Variants in RNASEH1 observed in about 807,000 individuals in gnomAD.
RNASEH1 encodes the protein ribonuclease H type II.
RNASEH1 carries 27 observed loss-of-function variants against 34.6 expected under a neutral mutation model. The observed-to-expected ratio is 0.78, with a 90% CI of 0.58 to 1.08. The LOEUF (loss-of-function observed/expected upper bound fraction) is 1.08. RNASEH1 is among the 50% of genes least tolerant of loss of function. RNASEH1 has a pLI of 0.00. For missense variants in RNASEH1, 349 were observed against 373.6 expected (o/e 0.93, Z 0.54); for synonymous variants, 162 against 138.4 (o/e 1.17, Z -1.20).
downstream of RNASEH1, chr2:3,536,811 G>A (rs1237336470): frequency 3.3e-5 from 5 of 152,342 alleles, no homozygotes; most frequent in African/African-American, 7.2e-5. Context: ...CAGTTCTGGA[G>A]GCTGCAAGTC....
At chr2:3,556,946 A>C in intron 1 of RNASEH1, 42 bp from the exon 2 acceptor site, 1 of 1,385,122 alleles carries the variant, frequency 7.2e-7, no homozygotes, top group East Asian at 2.3e-5. Flanking sequence ...TCCTTCTCTA[A>C]CTTATCCCCT....
chr2:3,545,707 G>T lies in RNASEH1; in HGVS notation c.*78C>A. The T allele has an allele frequency of 1.1e-6, 1 of 940,932 alleles. No individual in the cohort carries two copies. The highest frequency in any genetic ancestry group is 1.8e-6 in the Non-Finnish European group (1 of 566,826). 58.3% of individuals were successfully genotyped at this position (940,932 alleles called of 1,614,324 possible). ...ATCACTGCAATGGTCCTACCTGCAG[G>T]CTATTTTCCACACCAGTAAGTACAG... is the stretch of plus-strand genomic sequence containing the variant. On this transcript the variant is annotated 3_prime_UTR_variant, in exon 8 of 8. Coordinates refer to ENST00000315212, the MANE Select transcript of RNASEH1 (RefSeq NM_002936.6).
chr2:3,534,653 G>A, the RNASEH1 span, among the ~76,000 whole-genome samples: 3 of 152,250 alleles, frequency 2.0e-5, no homozygotes, highest in Non-Finnish European at 4.4e-5. Flanking sequence ...TCTGGGCCGG[G>A]GTGCAAGCCG....
At chr2:3,549,859 T>C (rs1434474435) in intron 4 of RNASEH1, among the ~76,000 whole-genome samples, 1 of 149,538 alleles carries the variant, frequency 6.7e-6, no homozygotes, top group Non-Finnish European at 1.5e-5. Context: ...GGAAGGAGAA[T>C]GGCGTGAACC....
chr2:3,552,189 C>A lies in RNASEH1; in HGVS notation c.364G>T (p.Val122Leu). The change falls in exon 3 of 8, where the codon GTG becomes TTG. Residue 122 changes from valine to leucine, a missense_variant. By Grantham distance (32) the Val-to-Leu change is conservative (BLOSUM62 1). Transcript: ENST00000315212. ...CTGCTAACTGGAGGCGCCGGCTCCACGCTCGGCTTCATGTGCTTTGCATAC... is the reference window on the plus strand; with the variant it reads ...CTGCTAACTGGAGGCGCCGGCTCCAAGCTCGGCTTCATGTGCTTTGCATAC... ...EPYAKHMKPS[V>L]EPAPPVSRDT... The A allele has an allele frequency of 6.2e-7, 1 of 1,612,328 alleles. No individual in the cohort carries two copies. The highest frequency in any genetic ancestry group is 8.5e-7 in the Non-Finnish European group (1 of 1,179,834).
downstream of RNASEH1, among the ~76,000 whole-genome samples, chr2:3,538,327 G>A (rs971096065): frequency 1.3e-5 from 2 of 151,660 alleles, no homozygotes; most frequent in Admixed American, 6.6e-5. Context: ...ACTCCAGCCT[G>A]AGCAACAAGA....
chr2:3,556,950 AT>A, intron 1 of RNASEH1, 46 bp from the exon 2 acceptor site: 1 of 1,372,406 alleles, frequency 7.3e-7, no homozygotes, highest in South Asian at 1.2e-5. Flanking sequence ...TCTCTAACTT[AT>A]CCCCTTTTTT....
chr2:3,538,235 C>T (rs992725742), downstream of RNASEH1, among the ~76,000 whole-genome samples: 1 of 151,400 alleles, frequency 6.6e-6, no homozygotes, highest in African/African-American at 2.4e-5. Flanking sequence ...CCTTGTAGTC[C>T]CAGCTACTCC....
Position 3,541,670 on chromosome 2 carries a change from T to C in RNASEH1, c.*4115A>G, listed in dbSNP as rs1291904709. Among the ~76,000 whole-genome samples the C allele has an allele frequency of 6.6e-6, 1 of 152,184 alleles. No individual in the cohort carries two copies. Among genetic ancestry groups the C allele is most frequent in the African/African-American group, 2.4e-5 (1 of 41,446 alleles). ...ATTCTAGAATATATAAATTAACCTT[T>C]AGTGAGAGGGAGCAGACCAGTGGTT... is the stretch of plus-strand genomic sequence containing the variant. On this transcript the variant is annotated 3_prime_UTR_variant, in exon 8 of 8. Transcript: ENST00000315212.
rs370978637 is a variant in RNASEH1, at chr2:3,544,589, G to C, written c.*1196C>G. ...AGAAGAAGAGGGCTGTGGCTGGAGG[G>C]GCACTTGGGAGAGCCTCCTGGGGTA... On this transcript the variant is annotated 3_prime_UTR_variant, in exon 8 of 8. Transcript: ENST00000315212. Among the ~76,000 whole-genome samples the C allele has an allele frequency of 2.7e-4, 41 of 152,220 alleles. No homozygotes were observed. The East Asian group carries it at 7.5e-3, about 28-fold the overall frequency.
Position 3,557,993 on chromosome 2 carries a change from G to C in RNASEH1, c.128+140C>G. On this transcript the variant is annotated intron_variant, in intron 1 of 7. Transcript: ENST00000315212. Reference sequence around the variant, plus strand: ...CCCCGCCGGCCGAGCAGGAAAACGAGGCGGTCCCCCGACCACCCACAGCCA... The same window carrying C: ...CCCCGCCGGCCGAGCAGGAAAACGACGCGGTCCCCCGACCACCCACAGCCA... 8 of 1,488,064 alleles carry C rather than the reference G, an allele frequency of 5.4e-6. No individual in the cohort carries two copies. In the South Asian group the frequency reaches 1.1e-4, roughly 20 times the overall value. 92.2% of individuals were successfully genotyped at this position (1,488,064 alleles called of 1,614,324 possible). A position where few individuals can be genotyped will look rare whatever the true frequency, so the allele number is the denominator to read the frequency against.
Position 3,543,340 on chromosome 2 carries a change from G to T in RNASEH1, c.*2445C>A, listed in dbSNP as rs978586668. ...AAACTATTTTCTGCTCAATTAAACT[G>T]CTAACTTGTCTAAAGTTTTTCTTTT... On this transcript the variant is annotated 3_prime_UTR_variant, in exon 8 of 8. Transcript: ENST00000315212. Among the ~76,000 whole-genome samples the T allele has an allele frequency of 6.6e-6, 1 of 152,190 alleles. No homozygotes were observed. Among genetic ancestry groups the T allele is most frequent in the Non-Finnish European group, 1.5e-5 (1 of 68,036 alleles).
the RNASEH1 span, among the ~76,000 whole-genome samples, chr2:3,534,681 C>T: frequency 4.6e-5 from 7 of 152,238 alleles, no homozygotes; most frequent in Admixed American, 3.3e-4. Context: ...CCCACTGGGC[C>T]GAATGTGCAG....
downstream of RNASEH1, among the ~76,000 whole-genome samples, chr2:3,538,578 A>G (rs1264894087): frequency 6.6e-6 from 1 of 152,116 alleles, no homozygotes. Flanking sequence ...TCCACTTAAC[A>G]GTGCCCAGAG....
At chr2:3,536,473 C>T (rs992546389), downstream of RNASEH1, among the ~76,000 whole-genome samples, 2 of 152,204 alleles carry the variant, frequency 1.3e-5, no homozygotes, top group African/African-American at 4.8e-5. Flanking sequence ...GGGCTGGCTC[C>T]GTTTGAGCAA....
chr2:3,553,235 G>A (rs1660157186), intron 2 of RNASEH1, among the ~76,000 whole-genome samples: 1 of 151,302 alleles, frequency 6.6e-6, no homozygotes, highest in South Asian at 2.1e-4. Context: ...GCGAGAGAGT[G>A]AGACTCTGTC....
rs532690772 is a variant in RNASEH1, at chr2:3,541,679, G to A, written c.*4106C>T. 2.2e-4 allele frequency among the ~76,000 whole-genome samples: 33 copies of A among 152,280 alleles called. No homozygotes were observed. Among genetic ancestry groups the A allele is most frequent in the African/African-American group, 7.7e-4 (32 of 41,546 alleles). Reference sequence around the variant, plus strand: ...TATATAAATTAACCTTTAGTGAGAGGGAGCAGACCAGTGGTTGCCTGAACA... The same window carrying A: ...TATATAAATTAACCTTTAGTGAGAGAGAGCAGACCAGTGGTTGCCTGAACA... On this transcript the variant is annotated 3_prime_UTR_variant, in exon 8 of 8. Transcript: ENST00000315212.
intron 2 of RNASEH1, among the ~76,000 whole-genome samples, chr2:3,554,995 C>G (rs1185148424): frequency 6.6e-6 from 1 of 152,118 alleles, no homozygotes. Context: ...TAGTTTAAAG[C>G]AAGGATGACA....
At chr2:3,546,066 G>C (rs1226602012) in intron 7 of RNASEH1, among the ~76,000 whole-genome samples, 195 bp from the exon 8 acceptor site, 1 of 152,150 alleles carries the variant, frequency 6.6e-6, no homozygotes, top group Non-Finnish European at 1.5e-5. Flanking sequence ...TGTGATTTAC[G>C]AACATTCCAT....
Sources: gnomAD v4.1 joint callset for allele counts (sites outside exome capture counted in the v4.1 genomes callset) on GRCh38, gnomAD v4.1.1 for gene constraint, MANE v1.5 for transcripts, NCBI Gene and HGNC (gene_info 2026-07-23, HGNC 2026-07-21) for gene names.